EBF1: variants seen among roughly 807,000 people sequenced by gnomAD.
The protein encoded by EBF1 is transcription factor COE1.
In EBF1, 10 loss-of-function variants were observed where a neutral mutation model predicts 68.4. The observed-to-expected ratio is 0.15, with a 90% CI of 0.09 to 0.25. The LOEUF is 0.25. EBF1 is among the 10% of genes least tolerant of loss of function. The probability of loss-of-function intolerance (pLI) is 1.00; values close to 1 mark genes in which losing one functional copy is unlikely to be tolerated. For missense variants in EBF1, 509 were observed against 794.4 expected (o/e 0.64, Z 4.32); for synonymous variants, 298 against 299.8 (o/e 0.99, Z 0.06).
chr5:159,053,635 A>C (rs941185893), intron 6 of EBF1, among the ~76,000 whole-genome samples: 30 of 151,684 alleles, frequency 2.0e-4, no homozygotes, highest in African/African-American at 6.5e-4. Flanking sequence ...ACACACACAC[A>C]CACCCCAGAC....
chr5:158,750,870 A>G (rs1768700831), intron 10 of EBF1, among the ~76,000 whole-genome samples: 1 of 152,160 alleles, frequency 6.6e-6, no homozygotes, highest in African/African-American at 2.4e-5. Flanking sequence ...GTTAGAGAAA[A>G]GAGCAAAGAT....
chr5:158,870,215 T>C (rs896939930), intron 6 of EBF1, among the ~76,000 whole-genome samples: 8 of 152,312 alleles, frequency 5.3e-5, no homozygotes, highest in African/African-American at 1.7e-4. Context: ...GATGTGAACA[T>C]TCTGCTCCCC....
intron 4 of EBF1, among the ~76,000 whole-genome samples, chr5:159,087,251 C>T (rs1197337334): frequency 6.8e-6 from 1 of 146,864 alleles, no homozygotes; most frequent in African/African-American, 2.5e-5. Context: ...GGGGCTTTCC[C>T]TAATATATAT....
chr5:159,086,222 G>GT (rs922351341), intron 4 of EBF1, among the ~76,000 whole-genome samples: 18 of 152,148 alleles, frequency 1.2e-4, no homozygotes, highest in African/African-American at 4.3e-4. Flanking sequence ...TTTCTCTGTA[G>GT]TTTTTTCTGA....
At chr5:158,912,464 T>A (rs1327960724) in intron 6 of EBF1, among the ~76,000 whole-genome samples, 1 of 152,126 alleles carries the variant, frequency 6.6e-6, no homozygotes, top group Non-Finnish European at 1.5e-5. Context: ...GGTGTACCCG[T>A]CCCTTCTAAA....
chr5:158,831,150 C>G lies in EBF1; in HGVS notation c.637-7833G>C, dbSNP rs530331420. 5.3e-5 allele frequency among the ~76,000 whole-genome samples: 8 copies of G among 152,226 alleles called. No individual in the cohort carries two copies. In the South Asian group the frequency reaches 1.7e-3, roughly 32 times the overall value. On this transcript the variant is annotated intron_variant, in intron 7 of 15. Transcript: ENST00000313708. ...GTCATTGGTGTTTAGCTGGTGCTCTCTGTGTGTGTGTCCTCATTGGCCATT... is the reference window on the plus strand; with the variant it reads ...GTCATTGGTGTTTAGCTGGTGCTCTGTGTGTGTGTGTCCTCATTGGCCATT...
chr5:159,064,141 TATATATGC>T (rs1373472585), intron 6 of EBF1, among the ~76,000 whole-genome samples: 1 of 152,200 alleles, frequency 6.6e-6, no homozygotes, highest in Non-Finnish European at 1.5e-5. Flanking sequence ...GTCACATATG[TATATATGC>T]ATATATGTGT....
At chr5:158,987,313 C>T (rs1476105749) in intron 6 of EBF1, 2 of 152,158 alleles carry the variant, frequency 1.3e-5, no homozygotes, top group Non-Finnish European at 2.9e-5. Context: ...GTATAATAAA[C>T]CCCAGATAAG....
intron 6 of EBF1, among the ~76,000 whole-genome samples, chr5:158,963,138 A>C (rs1254377899): frequency 6.6e-6 from 1 of 152,192 alleles, no homozygotes; most frequent in Non-Finnish European, 1.5e-5. Flanking sequence ...CAGACTGTGG[A>C]GGTCCAGGAA....
intron 6 of EBF1, among the ~76,000 whole-genome samples, chr5:158,976,327 G>T (rs1026326814): frequency 3.3e-5 from 5 of 151,974 alleles, no homozygotes; most frequent in African/African-American, 1.2e-4. Flanking sequence ...TTCTTTGTTG[G>T]GTACTTTTCC....
chr5:159,086,726 C>A (rs1780699746), intron 4 of EBF1, among the ~76,000 whole-genome samples: 1 of 152,030 alleles, frequency 6.6e-6, no homozygotes, highest in Non-Finnish European at 1.5e-5. Flanking sequence ...AGATCATGAG[C>A]CAGGTTTCCC....
At chr5:158,789,732 G>A (rs1006259366) in intron 9 of EBF1, among the ~76,000 whole-genome samples, 20 of 152,174 alleles carry the variant, frequency 1.3e-4, no homozygotes, top group African/African-American at 4.6e-4. Context: ...AAAATGTGGT[G>A]ACTCTACATG....
In EBF1 at chr5:159,049,185, A is replaced by C. The variant is rs755290186; in HGVS notation, c.554+24211T>G. 5.4e-4 allele frequency among the ~76,000 whole-genome samples: 82 copies of C among 152,256 alleles called. 1 individual carries two copies. The highest frequency in any genetic ancestry group is 9.8e-4 in the Admixed American group (15 of 15,288). Reference sequence around the variant, plus strand: ...AAGGGGAAAAAAGCTTCTGATTTAAAGCTAAACATACACAGCTATCCATTA... The same window carrying C: ...AAGGGGAAAAAAGCTTCTGATTTAACGCTAAACATACACAGCTATCCATTA... On this transcript the variant is annotated intron_variant, in intron 6 of 15. Transcript: ENST00000313708.
chr5:158,813,569 C>G (rs887939838), intron 8 of EBF1, among the ~76,000 whole-genome samples: 1 of 152,120 alleles, frequency 6.6e-6, no homozygotes. Context: ...TTGGTAGCCA[C>G]TTTTCCAAGG....
At chr5:158,746,611 T>C (rs1767626648) in intron 10 of EBF1, among the ~76,000 whole-genome samples, 1 of 152,086 alleles carries the variant, frequency 6.6e-6, no homozygotes, top group South Asian at 2.1e-4. Context: ...TCTCTCTATA[T>C]TGATGGGTGG....
intron 6 of EBF1, among the ~76,000 whole-genome samples, chr5:158,928,256 A>G (rs1359799607): frequency 2.0e-5 from 3 of 152,190 alleles, no homozygotes; most frequent in Non-Finnish European, 2.9e-5. Flanking sequence ...ATCAAATGAT[A>G]TGTTAGAGTA....
At chr5:158,934,870 T>A (rs1440996552) in intron 6 of EBF1, among the ~76,000 whole-genome samples, 1 of 152,306 alleles carries the variant, frequency 6.6e-6, no homozygotes, top group East Asian at 1.9e-4. Flanking sequence ...TCTTTATGTA[T>A]ATGATTGCAC....
At chr5:158,809,952 A>T (rs1782334054) in intron 8 of EBF1, among the ~76,000 whole-genome samples, 1 of 152,128 alleles carries the variant, frequency 6.6e-6, no homozygotes, top group Non-Finnish European at 1.5e-5. Context: ...CCTTAATAAC[A>T]CTTTCCCCCA....
At chr5:158,913,827 C>T (rs981552679) in intron 6 of EBF1, among the ~76,000 whole-genome samples, 5 of 152,194 alleles carry the variant, frequency 3.3e-5, no homozygotes, top group African/African-American at 1.2e-4. Flanking sequence ...AATAAATATG[C>T]TCCGCAAATA....
Sources: allele counts gnomAD v4.1 joint callset (sites outside exome capture counted in the v4.1 genomes callset), GRCh38; gene constraint gnomAD v4.1.1; transcripts MANE v1.5; gene names NCBI Gene and HGNC (gene_info 2026-07-23, HGNC 2026-07-21).